The following CAMKMT variants were observed in gnomAD, a reference collection of about 807,000 sequenced individuals.
CAMKMT encodes the protein calmodulin-lysine N-methyltransferase.
Under a neutral mutation model 48.0 loss-of-function variants are expected in CAMKMT, and 53 were observed. The ratio of observed to expected loss-of-function variants is 1.10; its 90% confidence interval spans 0.89 to 1.39. The LOEUF is 1.39. CAMKMT is among the 40% of genes most tolerant of loss of function. The pLI is 0.00. For missense variants in CAMKMT, 428 were observed against 402.7 expected (o/e 1.06, Z -0.54); for synonymous variants, 165 against 152.3 (o/e 1.08, Z -0.61).
chr2:44,634,576 C>T (rs1434013234), intron 3 of CAMKMT, among the ~76,000 whole-genome samples: 1 of 151,876 alleles, frequency 6.6e-6, no homozygotes, highest in African/African-American at 2.4e-5. Flanking sequence ...TGAGTACCTA[C>T]GATGTGCTAG....
At chr2:44,393,792 C>T (rs1322279380) in intron 3 of CAMKMT, among the ~76,000 whole-genome samples, 2 of 152,184 alleles carry the variant, frequency 1.3e-5, no homozygotes, top group African/African-American at 4.8e-5. Flanking sequence ...AGATTTCTTG[C>T]TTCTGCTTTT....
intron 3 of CAMKMT, chr2:44,631,512 C>T: frequency 1.6e-6 from 1 of 621,330 alleles, no homozygotes; most frequent in Non-Finnish European, 2.9e-6. Flanking sequence ...CTTTATTGCC[C>T]ATGTTGGTCT....
chr2:44,373,632 G>T (rs1279219594), intron 2 of CAMKMT, among the ~76,000 whole-genome samples: 1 of 152,108 alleles, frequency 6.6e-6, no homozygotes, highest in African/African-American at 2.4e-5. Flanking sequence ...GACTGAATAA[G>T]GTTTAGGTGA....
At chr2:44,768,524 CT>C (rs1365540381) in intron 10 of CAMKMT, among the ~76,000 whole-genome samples, 175 of 152,094 alleles carry the variant, frequency 1.2e-3, no homozygotes, top group African/African-American at 4.0e-3. Flanking sequence ...GGAGAAGGAG[CT>C]CGCCCAGAGG....
chr2:44,643,861 G>A (rs1406940468), intron 3 of CAMKMT, among the ~76,000 whole-genome samples: 2 of 152,014 alleles, frequency 1.3e-5, no homozygotes, highest in Non-Finnish European at 2.9e-5. Context: ...ATAGTGTGTC[G>A]ATATGATTGA....
At chr2:44,530,577 C>T (rs150829154) in intron 3 of CAMKMT, among the ~76,000 whole-genome samples, 1 of 152,214 alleles carries the variant, frequency 6.6e-6, no homozygotes, top group East Asian at 1.9e-4. Flanking sequence ...TCAGTCAATG[C>T]ATTTTTCCCA....
chr2:44,566,015 A>C (rs1032847989), intron 3 of CAMKMT, among the ~76,000 whole-genome samples: 1 of 152,214 alleles, frequency 6.6e-6, no homozygotes. Flanking sequence ...GGCGCTAAAA[A>C]GTAATTGAGG....
intron 3 of CAMKMT, among the ~76,000 whole-genome samples, chr2:44,428,461 G>T (rs556572413): frequency 1.3e-5 from 2 of 152,220 alleles, no homozygotes; most frequent in South Asian, 4.1e-4. Context: ...AAGTGTGGGG[G>T]GCAAAAAGGC....
intron 3 of CAMKMT, among the ~76,000 whole-genome samples, chr2:44,519,374 A>AT (rs1239635938): frequency 6.6e-6 from 1 of 151,876 alleles, no homozygotes; most frequent in East Asian, 1.9e-4. Context: ...ATTTAAATGT[A>AT]TTTTTTTTCC....
intron 3 of CAMKMT, among the ~76,000 whole-genome samples, chr2:44,600,287 GAC>G (rs1670908631): frequency 6.6e-6 from 1 of 150,884 alleles, no homozygotes; most frequent in Non-Finnish European, 1.5e-5. Context: ...TGATTTTTGT[GAC>G]AGAGTGTCGC....
In CAMKMT at chr2:44,410,247, A is replaced by ATTTTTT. The variant is rs1164693728; in HGVS notation, c.376+19964_376+19969dup. On this transcript the variant is annotated intron_variant, in intron 3 of 10. Coordinates refer to ENST00000378494, the MANE Select transcript of CAMKMT (RefSeq NM_024766.5). Reference sequence around the variant, plus strand: ...CAGGTATCAGTATATATATATATATATTTTTTTTTTTTTTTTTTTTTTTTT... The same window carrying ATTTTTT: ...CAGGTATCAGTATATATATATATATATTTTTTTTTTTTTTTTTTTTTTTTTTTTTTT... Among the ~76,000 whole-genome samples the ATTTTTT allele has an allele frequency of 3.1e-4, 6 of 19,484 alleles. 1 individual carries two copies. The highest frequency in any genetic ancestry group is 8.7e-4 in the East Asian group (1 of 1,150). 12.8% of individuals were successfully genotyped at this position (19,484 alleles called of 152,430 possible).
chr2:44,600,655 T>TTGTTG, intron 3 of CAMKMT, among the ~76,000 whole-genome samples: 1 of 152,250 alleles, frequency 6.6e-6, no homozygotes, highest in Admixed American at 6.5e-5. Context: ...GGTTGTTCAG[T>TTGTTG]TAACATATAC....
chr2:44,576,490 C>G (rs1189089331), intron 3 of CAMKMT, among the ~76,000 whole-genome samples: 1 of 152,178 alleles, frequency 6.6e-6, no homozygotes, highest in Non-Finnish European at 1.5e-5. Context: ...AAGCAGTCAT[C>G]TGCTAAAAAT....
At chr2:44,538,380 A>AG (rs1666899245) in intron 3 of CAMKMT, among the ~76,000 whole-genome samples, 1 of 151,816 alleles carries the variant, frequency 6.6e-6, no homozygotes, top group Non-Finnish European at 1.5e-5. Flanking sequence ...AAACAAAAAA[A>AG]AAAAAGAAAA....
intron 3 of CAMKMT, among the ~76,000 whole-genome samples, chr2:44,604,990 T>C (rs1346285893): frequency 6.6e-6 from 1 of 152,166 alleles, no homozygotes; most frequent in Non-Finnish European, 1.5e-5. Flanking sequence ...GTGCCATCAG[T>C]CCCTGATGAA....
At chr2:44,549,730 T>TGG in intron 3 of CAMKMT, 2 of 519,156 alleles carry the variant, frequency 3.9e-6, no homozygotes, top group South Asian at 6.4e-5. Context: ...CAGACTTCAG[T>TGG]AAGTAAGCCT....
At chr2:44,696,527 A>G (rs1219382958) in intron 3 of CAMKMT, among the ~76,000 whole-genome samples, 1 of 152,188 alleles carries the variant, frequency 6.6e-6, no homozygotes, top group Non-Finnish European at 1.5e-5. Context: ...ACTCCAACAA[A>G]AAACTGGAGG....
At chr2:44,539,295 A>AAC (rs985370640) in intron 3 of CAMKMT, among the ~76,000 whole-genome samples, 1 of 151,756 alleles carries the variant, frequency 6.6e-6, no homozygotes, top group African/African-American at 2.4e-5. Context: ...AAAAAAAAAA[A>AAC]AAAAAACCCA....
intron 3 of CAMKMT, among the ~76,000 whole-genome samples, chr2:44,613,980 A>T (rs1229621535): frequency 2.0e-5 from 3 of 152,222 alleles, no homozygotes; most frequent in Non-Finnish European, 4.4e-5. Flanking sequence ...TCATAAGCAT[A>T]ACTCAAGGCA....
Sources: gnomAD v4.1 joint callset for allele counts (sites outside exome capture counted in the v4.1 genomes callset) on GRCh38, gnomAD v4.1.1 for gene constraint, MANE v1.5 for transcripts, NCBI Gene and HGNC (gene_info 2026-07-23, HGNC 2026-07-21) for gene names.